The following IQGAP3 variants were observed in gnomAD, a reference collection of about 807,000 sequenced individuals.
The protein encoded by IQGAP3 is IQ motif containing GTPase activating protein 3.
In IQGAP3, 165 loss-of-function variants were observed where a neutral mutation model predicts 208.2. The observed-to-expected ratio is 0.79, with a 90% CI of 0.70 to 0.90. IQGAP3 has a LOEUF of 0.90. IQGAP3 is among the 40% of genes least tolerant of loss of function. The pLI, the probability that IQGAP3 is intolerant of heterozygous loss-of-function variation, is 0.00. For synonymous variants in IQGAP3, 703 were observed against 803.6 expected (o/e 0.87, Z 2.12); for missense variants, 1,811 against 2,043.1 (o/e 0.89, Z 2.19).
At position 156,539,901 on chromosome 1, in the gene IQGAP3, C is replaced by G. The variant is rs770749361; in HGVS notation, c.2829G>C (p.Lys943Asn). ...TCTGCCGTTTCTCTTTGCTCAGCGACTTTAAACCCTTCTGCTTGTCCAGAA... is the reference window on the plus strand; with the variant it reads ...TCTGCCGTTTCTCTTTGCTCAGCGAGTTTAAACCCTTCTGCTTGTCCAGAA... ...MMVLDKQKGL[K>N]SLSKEKRQKL... Residue 943 changes from lysine (K) to asparagine (N), a missense_variant, in exon 24 of 38, where the codon AAG (lysine) becomes AAC (asparagine). By Grantham distance (94) the Lys-to-Asn change is moderately conservative. Coordinates refer to ENST00000361170, the MANE Select transcript of IQGAP3 (RefSeq NM_178229.5). 1 of 1,614,156 alleles carries G rather than the reference C, an allele frequency of 6.2e-7. No individual in the cohort carries two copies. Among genetic ancestry groups the G allele is most frequent in the South Asian group, 1.1e-5 (1 of 91,084 alleles).
intron 11 of IQGAP3, among the ~76,000 whole-genome samples, chr1:156,559,330 C>G (rs566046938): frequency 6.6e-6 from 1 of 152,134 alleles, no homozygotes; most frequent in East Asian, 1.9e-4. Context: ...AAGGTGGAGC[C>G]GTTTGCTGCA....
At chr1:156,561,358 G>C (rs187133576) in intron 10 of IQGAP3, among the ~76,000 whole-genome samples, 4 of 152,162 alleles carry the variant, frequency 2.6e-5, no homozygotes, top group Admixed American at 6.5e-5. Context: ...GTAGAGACAG[G>C]GTTTCACTAT....
rs1298474731 is a variant in IQGAP3 at position 156,562,711 on chromosome 1, C to T, written c.799-46G>A. The T allele has an allele frequency of 4.1e-6, 6 of 1,474,804 alleles. No individual in the cohort carries two copies. The Admixed American group carries it at 5.0e-5, about 12-fold the overall frequency. 91.4% of individuals were successfully genotyped at this position (1,474,804 alleles called of 1,614,324 possible). A position where few individuals can be genotyped will look rare whatever the true frequency, so the allele number is the denominator to read the frequency against. The stretch of plus-strand genomic sequence containing the variant: ...GGGAACCTGGGAAACCCAATTTAAT[C>T]TCCTTGTCCTGCTCTTCCCTGCCTG... On this transcript the variant is annotated intron_variant, in intron 8 of 37. Coordinates refer to ENST00000361170, the MANE Select transcript of IQGAP3 (RefSeq NM_178229.5).
At position 156,528,023 on chromosome 1, in the gene IQGAP3, C is replaced by T; in HGVS notation, c.4711G>A (p.Glu1571Lys). The change falls in exon 37 of 38, where the codon GAG becomes AAG. Residue 1571 changes from glutamate to lysine, a missense_variant. Coordinates refer to ENST00000361170, the MANE Select transcript of IQGAP3 (RefSeq NM_178229.5). ...NVIFDITPGD[E>K]AGKFEVNAKF... The stretch of plus-strand genomic sequence containing the variant: ...GCATTTACTTCAAACTTTCCTGCCT[C>T]ATCTCCCGGCGTGATGTCAAAGATG... 6.2e-7 allele frequency: 1 copy of T among 1,614,174 alleles called. No individual in the cohort carries two copies. The highest frequency in any genetic ancestry group is 8.5e-7 in the Non-Finnish European group (1 of 1,180,010).
Position 156,540,927 on chromosome 1 carries a change from G to A in IQGAP3, c.2531-11C>T. The A allele has an allele frequency of 6.2e-7, 1 of 1,610,826 alleles. No individual in the cohort carries two copies. The highest frequency in any genetic ancestry group is 8.5e-7 in the Non-Finnish European group (1 of 1,177,708). On this transcript the variant is annotated splice_polypyrimidine_tract_variant and intron_variant, in intron 22 of 37. Coordinates refer to ENST00000361170, the MANE Select transcript of IQGAP3 (RefSeq NM_178229.5). ...GGTGGGGTGCATGCACTGGGAGGAA[G>A]GGAGGAGGCATCAGGATTAGCCATG... is the stretch of plus-strand genomic sequence containing the variant.
chr1:156,568,871 T>C (rs1406716509), intron 2 of IQGAP3, among the ~76,000 whole-genome samples: 6 of 143,090 alleles, frequency 4.2e-5, no homozygotes, highest in Non-Finnish European at 9.1e-5. Flanking sequence ...AGAAAAGAAA[T>C]AGAGACAAAA....
Position 156,534,722 on chromosome 1 carries a change from G to A in IQGAP3, c.3519C>T (p.Asn1173=). Reference sequence around the variant, plus strand: ...GGTTCAGGAAGCGGTAGTACAGGAGGTTCCCGACCACCTGAGGGCAAAGGA... The same window carrying A: ...GGTTCAGGAAGCGGTAGTACAGGAGATTCCCGACCACCTGAGGGCAAAGGA... The part of the protein sequence containing the change: ...TDSEVYKVVG[N]LLYYRFLNPA... The change falls in exon 29 of 38, where the codon AAC becomes AAT. Residue 1173 remains asparagine (N), a synonymous_variant. Transcript: ENST00000361170. The A allele has an allele frequency of 1.9e-6, 3 of 1,568,666 alleles. No individual in the cohort carries two copies. The highest frequency in any genetic ancestry group is 1.4e-5 in the African/African-American group (1 of 73,368).
chr1:156,548,673 TTCC>T lies in IQGAP3; in HGVS notation c.1898_1900del (p.Arg633del). The T allele has an allele frequency of 6.2e-7, 1 of 1,611,714 alleles. No homozygotes were observed. Among genetic ancestry groups the T allele is most frequent in the African/African-American group, 1.3e-5 (1 of 74,830 alleles). On this transcript the variant is annotated inframe_deletion, in exon 17 of 38. Coordinates refer to ENST00000361170, the MANE Select transcript of IQGAP3 (RefSeq NM_178229.5). ...TACCCCTCGAAGGGCCACTGCGGGGTTCCTCAACACCCGCTCAGTCTGGGCTGC... is the reference window on the plus strand; with the variant it reads ...TACCCCTCGAAGGGCCACTGCGGGGTTCAACACCCGCTCAGTCTGGGCTGC...
rs1435382533 is a variant in IQGAP3 at position 156,557,252 on chromosome 1, C to G, written c.1130-559G>C. Among the ~76,000 whole-genome samples, 2 of 5,620 alleles carry G rather than the reference C, an allele frequency of 3.6e-4. 1 individual carries two copies. The highest frequency in any genetic ancestry group is 3.8e-4 in the African/African-American group (2 of 5,326). 3.7% of individuals were successfully genotyped at this position (5,620 alleles called of 152,430 possible). A position where few individuals can be genotyped will look rare whatever the true frequency, so the allele number is the denominator to read the frequency against. ...GCCGCCCCTACTGGGAAGTGAGGAG[C>G]CCCTCTGCCCGGCCAGCCGCCCCGT... On this transcript the variant is annotated intron_variant, in intron 11 of 37. Transcript: ENST00000361170.
In IQGAP3 at chr1:156,530,109, G is replaced by C; in HGVS notation, c.4400C>G (p.Ala1467Gly). 6.3e-7 allele frequency: 1 copy of C among 1,596,482 alleles called. No homozygotes were observed. Among genetic ancestry groups the C allele is most frequent in the Non-Finnish European group, 8.5e-7 (1 of 1,171,126 alleles). Residue 1467 changes from alanine to glycine, a missense_variant, in exon 34 of 38, where the codon GCC (alanine) becomes GGC (glycine). By Grantham distance (60) the Ala-to-Gly change is moderately conservative. Transcript: ENST00000361170. The part of the protein sequence containing the change: ...NGYQGLVDEL[A>G]KDIRNQHRHR... ...AGCCCAGGCCCAGGTTGTTACCTTGGCCAGCTCGTCCACTAGCCCCTGGTA... is the reference window on the plus strand; with the variant it reads ...AGCCCAGGCCCAGGTTGTTACCTTGCCCAGCTCGTCCACTAGCCCCTGGTA...
chr1:156,554,921 G>A (rs1205866864), intron 12 of IQGAP3, among the ~76,000 whole-genome samples: 1 of 152,178 alleles, frequency 6.6e-6, no homozygotes, highest in Non-Finnish European at 1.5e-5. Flanking sequence ...GCTGAGCATG[G>A]TGGTGCGTAC....
chr1:156,566,311 G>A, intron 3 of IQGAP3, 79 bp downstream of exon 3: 2 of 1,437,072 alleles, frequency 1.4e-6, no homozygotes, highest in Non-Finnish European at 1.9e-6. Context: ...AAGTTATATG[G>A]TCACTCTACC....
chr1:156,567,354 G>T (rs1442598824), intron 2 of IQGAP3, among the ~76,000 whole-genome samples: 1 of 152,168 alleles, frequency 6.6e-6, no homozygotes, highest in Non-Finnish European at 1.5e-5. Context: ...GGGACAGAAC[G>T]ACCACAGCTC....
rs72996606 is a variant in IQGAP3 at position 156,530,060 on chromosome 1, A to G, written c.4404+45T>C. 1.7e-3 allele frequency: 2,524 copies of G among 1,451,792 alleles called. 32 individuals carry two copies. In the African/African-American group the frequency reaches 0.032, roughly 18 times the overall value. The allele number at this position is 1,451,792 out of a possible 1,614,324, so 89.9% of individuals were successfully genotyped here. A position where few individuals can be genotyped will look rare whatever the true frequency, so the allele number is the denominator to read the frequency against. ...TTAACATGTATATGCACGCACACAC[A>G]CACACGTACACACAGGCACACGGAG... On this transcript the variant is annotated intron_variant, in intron 34 of 37. Coordinates refer to ENST00000361170, the MANE Select transcript of IQGAP3 (RefSeq NM_178229.5).
At chr1:156,540,035 C>T in intron 23 of IQGAP3, 45 bp from the exon 24 acceptor site, 1 of 1,610,544 alleles carries the variant, frequency 6.2e-7, no homozygotes, top group Non-Finnish European at 8.5e-7. Context: ...CTAGGCCATC[C>T]CAGGGCACAG....
rs943401787 is a variant in IQGAP3 at position 156,559,575 on chromosome 1, T to C, written c.1129+1359A>G. Among the ~76,000 whole-genome samples, 3 of 152,164 alleles carry C rather than the reference T, an allele frequency of 2.0e-5. No homozygotes were observed. The South Asian group carries it at 6.2e-4, about 32-fold the overall frequency. On this transcript the variant is annotated intron_variant, in intron 11 of 37. Transcript: ENST00000361170. ...CTATGGCAGAGCAGGGGAGGAGGGATTCTGCCTGGGAGAGAGCAGAAGACT... is the reference window on the plus strand; with the variant it reads ...CTATGGCAGAGCAGGGGAGGAGGGACTCTGCCTGGGAGAGAGCAGAAGACT...
intron 2 of IQGAP3, 81 bp from the exon 3 acceptor site, chr1:156,566,627 C>T: frequency 7.1e-7 from 1 of 1,415,190 alleles, no homozygotes; most frequent in Non-Finnish European, 9.7e-7. Context: ...CCCTCTGTCC[C>T]TCCTTTTAAG....
At chr1:156,566,634 T>A in intron 2 of IQGAP3, 88 bp from the exon 3 acceptor site, 1 of 1,309,680 alleles carries the variant, frequency 7.6e-7, no homozygotes, top group Non-Finnish European at 1.1e-6. Flanking sequence ...TCCCTCCTTT[T>A]AAGTGGCCCC....
In IQGAP3 at chr1:156,551,777, T is replaced by A; in HGVS notation, c.1662A>T (p.Leu554=). Residue 554 remains leucine (L), a synonymous_variant, in exon 15 of 38, where the codon CTA becomes CTT. Coordinates refer to ENST00000361170, the MANE Select transcript of IQGAP3 (RefSeq NM_178229.5). ...LSALLLPAAG[L]DDVSLPVAPR... ...GGGCGACAGGGAGGCTGACATCATCTAGGCCAGCTGCAGGAAGCAGTAGGG... is the reference window on the plus strand; with the variant it reads ...GGGCGACAGGGAGGCTGACATCATCAAGGCCAGCTGCAGGAAGCAGTAGGG... 1.2e-6 allele frequency: 2 copies of A among 1,614,060 alleles called. No individual in the cohort carries two copies. Among genetic ancestry groups the A allele is most frequent in the Non-Finnish European group, 1.7e-6 (2 of 1,180,002 alleles).
Sources: allele counts gnomAD v4.1 joint callset (sites outside exome capture counted in the v4.1 genomes callset), GRCh38; gene constraint gnomAD v4.1.1; transcripts MANE v1.5; gene names NCBI Gene and HGNC (gene_info 2026-07-23, HGNC 2026-07-21).